Variants in INPP5B observed in about 807,000 individuals in gnomAD.
INPP5B encodes the protein type II inositol 1,4,5-trisphosphate 5-phosphatase.
Under a neutral mutation model 118.5 loss-of-function variants are expected in INPP5B, and 90 were observed. The observed-to-expected ratio is 0.76, with a 90% confidence interval of 0.64 to 0.90. The LOEUF (loss-of-function observed/expected upper bound fraction) is 0.90, where lower values mean the gene tolerates loss of function less well. Ranked by LOEUF, INPP5B falls within the 40% of genes least tolerant of loss-of-function variation. The pLI is 0.00. For synonymous variants in INPP5B, 385 were observed against 418.9 expected (o/e 0.92, Z 0.99); for missense variants, 984 against 1,125.6 (o/e 0.87, Z 1.80).
intron 6 of INPP5B, among the ~76,000 whole-genome samples, chr1:37,936,331 T>C (rs1645689481): frequency 6.6e-6 from 1 of 151,974 alleles, no homozygotes; most frequent in Non-Finnish European, 1.5e-5. Flanking sequence ...AGCTTAAATA[T>C]CACCTCTGGC....
At chr1:37,922,649 T>A (rs1248704965) in intron 7 of INPP5B, among the ~76,000 whole-genome samples, 2 of 152,098 alleles carry the variant, frequency 1.3e-5, no homozygotes, top group East Asian at 3.9e-4. Context: ...TGAGCCAAGA[T>A]CGCACCACTG....
intron 6 of INPP5B, among the ~76,000 whole-genome samples, chr1:37,936,932 A>G (rs1246232693): frequency 6.6e-6 from 1 of 152,030 alleles, no homozygotes; most frequent in Non-Finnish European, 1.5e-5. Context: ...TACTCAGGCA[A>G]CGCTCTTATC....
chr1:37,879,982 G>T, intron 15 of INPP5B, 103 bp downstream of exon 15: 1 of 628,076 alleles, frequency 1.6e-6, no homozygotes, highest in Non-Finnish European at 2.8e-6. Context: ...TAGGGAAAAA[G>T]TCACAGGAAG....
intron 5 of INPP5B, chr1:37,941,958 A>AAAAAAAAAAAATATATATATATATATAT (rs1427344681): frequency 6.6e-5 from 2 of 30,362 alleles, no homozygotes; most frequent in Non-Finnish European, 6.6e-5. Flanking sequence ...AAAAAAAAAA[A>AAAAAAAAAAAATATATATATATATATAT]ATATATATAT....
In INPP5B at chr1:37,868,554, G is replaced by A; in HGVS notation, c.2248C>T (p.Pro750Ser). The change falls in exon 20 of 24, where the codon CCC becomes TCC. Residue 750 changes from proline (P) to serine (S), a missense_variant. This residue lies in a region of INPP5B where 634 missense variants were observed against 791.0 expected (regional missense o/e 0.80). Coordinates refer to ENST00000373024, the MANE Select transcript of INPP5B (RefSeq NM_005540.3). ...TCAACCATCATCCAGAGCTCTTTGG[G>A]GATTTCCATGGGGCTATCCAACTGG... The part of the protein sequence containing the change: ...GSQLDSPMEI[P>S]KELWMMVDYL... The A allele has an allele frequency of 6.2e-7, 1 of 1,614,014 alleles. No individual in the cohort carries two copies. The highest frequency in any genetic ancestry group is 1.7e-4 in the Middle Eastern group (1 of 6,058).
intron 7 of INPP5B, chr1:37,931,629 C>CCCGCG (rs1645465670): frequency 6.5e-7 from 1 of 1,536,654 alleles, no homozygotes; most frequent in Admixed American, 2.0e-5. Flanking sequence ...GCACCGCCGC[C>CCCGCG]CCCGGCCCAG....
intron 17 of INPP5B, among the ~76,000 whole-genome samples, chr1:37,874,975 C>T (rs1288773547): frequency 6.6e-6 from 1 of 152,146 alleles, no homozygotes. Context: ...TCATGGGTAT[C>T]CAAACTCAAT....
chr1:37,867,832 C>T (rs1021548567), intron 20 of INPP5B, among the ~76,000 whole-genome samples: 1 of 152,156 alleles, frequency 6.6e-6, no homozygotes, highest in Non-Finnish European at 1.5e-5. Flanking sequence ...GATCCCCTGC[C>T]TCTGCTTGGT....
intron 7 of INPP5B, among the ~76,000 whole-genome samples, chr1:37,917,184 G>A (rs1014547210): frequency 6.7e-6 from 1 of 149,084 alleles, no homozygotes; most frequent in African/African-American, 2.5e-5. Context: ...AGCTACTCGG[G>A]AGGCTGAGGC....
At chr1:37,938,248 A>C (rs574619535) in intron 6 of INPP5B, among the ~76,000 whole-genome samples, 1 of 150,320 alleles carries the variant, frequency 6.7e-6, no homozygotes, top group Admixed American at 6.7e-5. Context: ...TAGCCTGGGC[A>C]ACAGGGCGAG....
intron 2 of INPP5B, 35 bp downstream of exon 2, chr1:37,946,214 GGGC>G (rs774706874): frequency 2.7e-5 from 43 of 1,588,750 alleles, no homozygotes; most frequent in Non-Finnish European, 3.5e-5. Flanking sequence ...CCCAAGGCCA[GGGC>G]AGGCTCAGGG....
chr1:37,890,096 C>T (rs1306953774), intron 8 of INPP5B, among the ~76,000 whole-genome samples: 1 of 152,118 alleles, frequency 6.6e-6, no homozygotes, highest in Non-Finnish European at 1.5e-5. Flanking sequence ...ATTGACAAGC[C>T]GGGCATGGTG....
chr1:37,931,816 G>C (rs1259021922), intron 7 of INPP5B, 97 bp downstream of exon 7: 25 of 1,608,592 alleles, frequency 1.6e-5, no homozygotes, highest in Non-Finnish European at 2.0e-5. Context: ...TCGAAAGCCT[G>C]TCTTCTCCAT....
Position 37,888,268 on chromosome 1 carries a change from G to A in INPP5B, c.874C>T (p.Gln292Ter). The A allele has an allele frequency of 3.8e-6, 6 of 1,579,630 alleles. No homozygotes were observed. Among genetic ancestry groups the A allele is most frequent in the Middle Eastern group, 1.7e-4 (1 of 5,850 alleles). The change falls in exon 10 of 24, where the codon CAG becomes TAG. Residue 292 changes from glutamine to a stop codon, truncating the protein, a stop_gained. Coordinates refer to ENST00000373024, the MANE Select transcript of INPP5B (RefSeq NM_005540.3). LOFTEE classifies it high-confidence loss of function. ...CCTACACAATAGACATCTGGGGCCT[G>A]GATACCATTGCTCAGCCACAGCCGG... ...CLRLWLSNGI[Q>*]APDVYCVGFQ...
Position 37,875,592 on chromosome 1 carries a change from C to T in INPP5B, c.1788+14G>A. The T allele has an allele frequency of 6.3e-7, 1 of 1,596,872 alleles. No homozygotes were observed. Among genetic ancestry groups the T allele is most frequent in the Non-Finnish European group, 8.6e-7 (1 of 1,164,316 alleles). On this transcript the variant is annotated intron_variant, in intron 17 of 23. Transcript: ENST00000373024. ...CTGAGCCCAATGCTAATATTCTTAA[C>T]ATGTCCTTCCTACCTCTCGCTTGGA...
At chr1:37,920,718 G>A (rs761727114) in intron 7 of INPP5B, among the ~76,000 whole-genome samples, 1 of 151,124 alleles carries the variant, frequency 6.6e-6, no homozygotes, top group Non-Finnish European at 1.5e-5. Flanking sequence ...TCTCAAGTGC[G>A]ACCTGAGTTC....
intron 7 of INPP5B, chr1:37,929,608 A>G (rs1312256063): frequency 6.6e-6 from 1 of 152,216 alleles, no homozygotes; most frequent in Non-Finnish European, 1.5e-5. Flanking sequence ...CTCTGAGGCC[A>G]TAATAACTCT....
At chr1:37,879,476 T>C (rs536571677) in intron 15 of INPP5B, among the ~76,000 whole-genome samples, 6 of 152,164 alleles carry the variant, frequency 3.9e-5, no homozygotes, top group African/African-American at 1.4e-4. Context: ...GGGCATCAAA[T>C]AGTACATGGC....
Position 37,946,267 on chromosome 1 carries a change from C to A in INPP5B, c.42G>T (p.Gly14=), listed in dbSNP as rs1646108517. The change falls in exon 2 of 24, where the codon GGG becomes GGT. Residue 14 remains glycine (G), a synonymous_variant. Transcript: ENST00000373024. ...GGAAGGATATGATGACGCAGTATTC[C>A]CCCTCAGCCAGCGTCTCCTGGATTG... The part of the protein sequence containing the change: ...SVAIQETLAE[G]EYCVIAVQGV... 1 of 1,611,440 alleles carries A rather than the reference C, an allele frequency of 6.2e-7. No homozygotes were observed. The highest frequency in any genetic ancestry group is 1.1e-5 in the South Asian group (1 of 90,266).
Sources: allele counts gnomAD v4.1 joint callset (sites outside exome capture counted in the v4.1 genomes callset), GRCh38; gene constraint gnomAD v4.1.1; regional missense constraint gnomAD v4.1.1; transcripts MANE v1.5; gene names NCBI Gene and HGNC (gene_info 2026-07-23, HGNC 2026-07-21).